The following CHEK2 variants were observed in gnomAD, a reference collection of about 807,000 sequenced individuals.
CHEK2 encodes serine/threonine-protein kinase Chk2.
In CHEK2, 71 loss-of-function variants were observed where a neutral mutation model predicts 69.1. The observed-to-expected ratio is 1.03, with a 90% CI of 0.85 to 1.25. The LOEUF (loss-of-function observed/expected upper bound fraction) is 1.25, where lower values mean the gene tolerates loss of function less well. Among genes scored for constraint, CHEK2 ranks in the 50% most tolerant of loss-of-function variants. The pLI, the probability that CHEK2 is intolerant of heterozygous loss-of-function variation, is 0.00. For missense variants in CHEK2, 664 were observed against 649.6 expected, an observed-to-expected ratio of 1.02 and a Z score of -0.24; for synonymous variants, 189 against 226.9, an observed-to-expected ratio of 0.83 and a Z score of 1.50.
At chr22:28,733,032 T>C (rs1448880982) in intron 2 of CHEK2, among the ~76,000 whole-genome samples, 3 of 152,088 alleles carry the variant, frequency 2.0e-5, no homozygotes, top group African/African-American at 7.2e-5. Context: ...CCTCAAGTGA[T>C]CCTCCCGCTT....
At chr22:28,727,289 C>T (rs2054048157) in intron 2 of CHEK2, among the ~76,000 whole-genome samples, 2 of 152,210 alleles carry the variant, frequency 1.3e-5, no homozygotes, top group Non-Finnish European at 2.9e-5. Flanking sequence ...GATCCGCCCG[C>T]CTCGGCCTCC....
At chr22:28,732,898 T>C (rs1167953511) in intron 2 of CHEK2, among the ~76,000 whole-genome samples, 1 of 152,044 alleles carries the variant, frequency 6.6e-6, no homozygotes, top group African/African-American at 2.4e-5. Context: ...TTCAAGCAAT[T>C]CTCATGTCTC....
At chr22:28,713,738 T>C (rs1190034626) in intron 5 of CHEK2, among the ~76,000 whole-genome samples, 3 of 152,046 alleles carry the variant, frequency 2.0e-5, no homozygotes, top group African/African-American at 7.2e-5. Flanking sequence ...TGGAGTGCAG[T>C]GGCACAATCT....
intron 2 of CHEK2, among the ~76,000 whole-genome samples, chr22:28,731,460 G>A (rs1423627553): frequency 6.6e-6 from 1 of 151,940 alleles, no homozygotes; most frequent in Non-Finnish European, 1.5e-5. Flanking sequence ...CTTAGCCACG[G>A]TGGTGGGCAC....
In CHEK2 at chr22:28,687,801, A is replaced by G; in HGVS notation, c.*96T>C. On this transcript the variant is annotated 3_prime_UTR_variant, in exon 15 of 15. Transcript: ENST00000404276. ...TGACTGTGAAAAAGCAATTATTCCC[A>G]TAATTAAAATACAAACTATAAAAAA... is the stretch of plus-strand genomic sequence containing the variant. 4.0e-6 allele frequency: 4 copies of G among 995,706 alleles called. No homozygotes were observed. Among genetic ancestry groups the G allele is most frequent in the East Asian group, 5.1e-5 (2 of 39,104 alleles). The allele number at this position is 995,706 out of a possible 1,614,324, so 61.7% of individuals were successfully genotyped here. A position where few individuals can be genotyped will look rare whatever the true frequency, so the allele number is the denominator to read the frequency against.
chr22:28,713,823 G>C (rs902606813), intron 5 of CHEK2, among the ~76,000 whole-genome samples: 1 of 152,074 alleles, frequency 6.6e-6, no homozygotes, highest in Non-Finnish European at 1.5e-5. Context: ...TGGGATTACA[G>C]GTGTGTGCCA....
intron 5 of CHEK2, among the ~76,000 whole-genome samples, chr22:28,712,719 C>T (rs1204182155): frequency 6.6e-6 from 1 of 152,136 alleles, no homozygotes. Context: ...GCATCAATTA[C>T]CCATTATGAA....
chr22:28,741,742 C>G lies in CHEK2; in HGVS notation c.-7+27G>C, dbSNP rs74501869. 2,188 of 343,978 alleles carry G rather than the reference C, an allele frequency of 6.4e-3. 49 individuals carry two copies. The highest frequency in any genetic ancestry group is 0.043 in the African/African-American group (2,036 of 47,688). The allele number at this position is 343,978 out of a possible 1,614,324, so 21.3% of individuals were successfully genotyped here. On this transcript the variant is annotated intron_variant, in intron 1 of 14. Transcript: ENST00000404276. ...AGATGGGATTCGAACCACCAAACAC[C>G]CAACAGAAGTTCCCCATATGACTCA... is the stretch of plus-strand genomic sequence containing the variant.
intron 1 of CHEK2, among the ~76,000 whole-genome samples, chr22:28,738,540 A>G (rs962116422): frequency 6.6e-6 from 1 of 151,892 alleles, no homozygotes; most frequent in African/African-American, 2.4e-5. Context: ...CGCATGTAAT[A>G]CTCCCCCCAC....
At chr22:28,703,619 A>C in intron 7 of CHEK2, 53 bp from the exon 8 acceptor site, 1 of 1,132,098 alleles carries the variant, frequency 8.8e-7, no homozygotes, top group East Asian at 2.4e-5. Context: ...CCAAGAGGAA[A>C]ACCACAAGAG....
intron 1 of CHEK2, among the ~76,000 whole-genome samples, chr22:28,736,241 T>C (rs908376274): frequency 2.6e-5 from 4 of 152,182 alleles, no homozygotes; most frequent in Admixed American, 6.6e-5. Flanking sequence ...CTGTGTACTT[T>C]GGAAAGCAAA....
chr22:28,730,694 C>T (rs1203956851), intron 2 of CHEK2: 6 of 394,264 alleles, frequency 1.5e-5, no homozygotes, highest in Admixed American at 1.2e-4. Context: ...CCCATCTCTA[C>T]TAAAAATACA....
intron 14 of CHEK2, 69 bp from the exon 15 acceptor site, chr22:28,688,055 C>T: frequency 8.3e-7 from 1 of 1,208,554 alleles, no homozygotes. Context: ...TATCAAAGTT[C>T]CTCAATATGC....
chr22:28,716,057 G>A (rs1018188045), intron 5 of CHEK2, among the ~76,000 whole-genome samples: 1 of 151,882 alleles, frequency 6.6e-6, no homozygotes, highest in African/African-American at 2.4e-5. Flanking sequence ...TCTAGAGACA[G>A]GATTTCTCTA....
chr22:28,707,478 A>G (rs1394374487), intron 7 of CHEK2, among the ~76,000 whole-genome samples: 1 of 152,214 alleles, frequency 6.6e-6, no homozygotes, highest in Non-Finnish European at 1.5e-5. Context: ...AAGTCACACT[A>G]AAGTGAGGGA....
At chr22:28,732,646 T>G (rs771924995) in intron 2 of CHEK2, among the ~76,000 whole-genome samples, 1 of 152,212 alleles carries the variant, frequency 6.6e-6, no homozygotes, top group African/African-American at 2.4e-5. Flanking sequence ...CCATTTTTTA[T>G]AGTTTTTTCA....
At chr22:28,721,610 G>A (rs185508327) in intron 4 of CHEK2, 31 of 462,352 alleles carry the variant, frequency 6.7e-5, no homozygotes, top group Non-Finnish European at 1.3e-4. Context: ...TCAGCTGAGA[G>A]AGTAGATTTT....
chr22:28,701,222 C>T (rs2052831802), intron 8 of CHEK2, among the ~76,000 whole-genome samples: 1 of 151,204 alleles, frequency 6.6e-6, no homozygotes, highest in Non-Finnish European at 1.5e-5. Flanking sequence ...GGTGTTTTTA[C>T]CATAGTCTTT....
intron 1 of CHEK2, chr22:28,737,252 GTTC>G (rs1569175056): frequency 2.1e-6 from 1 of 471,666 alleles, no homozygotes; most frequent in Admixed American, 2.5e-5. Context: ...TAGAAGATTA[GTTC>G]TTACCATAGA....
Sources: gnomAD v4.1 joint callset for allele counts (sites outside exome capture counted in the v4.1 genomes callset) on GRCh38, gnomAD v4.1.1 for gene constraint, MANE v1.5 for transcripts, NCBI Gene and HGNC (gene_info 2026-07-23, HGNC 2026-07-21) for gene names.